Variants in ELMO1 observed in about 807,000 individuals in gnomAD.
ELMO1 encodes engulfment and cell motility protein 1.
ELMO1 carries 26 observed loss-of-function variants against 98.9 expected under a neutral mutation model. That is an observed-to-expected ratio of 0.26 (90% CI 0.19 to 0.36). The LOEUF (loss-of-function observed/expected upper bound fraction) is 0.36, where lower values mean the gene tolerates loss of function less well. Among genes scored for constraint, ELMO1 ranks in the 10% least tolerant of loss-of-function variants. The pLI, the probability that ELMO1 is intolerant of heterozygous loss-of-function variation, is 1.00. For synonymous variants in ELMO1, 346 were observed against 346.0 expected, an observed-to-expected ratio of 1.00 and a Z score of 0.00; for missense variants, 627 against 935.2, an observed-to-expected ratio of 0.67 and a Z score of 4.30.
At chr7:37,244,325 T>G in intron 7 of ELMO1, 31 bp downstream of exon 7, 1 of 1,609,378 alleles carries the variant, frequency 6.2e-7, no homozygotes, top group Non-Finnish European at 8.5e-7. Context: ...AAGGGTTAAA[T>G]CATCAATATC....
intron 1 of ELMO1, among the ~76,000 whole-genome samples, chr7:37,378,795 C>T (rs1299984592): frequency 1.1e-4 from 17 of 151,914 alleles, no homozygotes; most frequent in Admixed American, 1.0e-3. Flanking sequence ...CTAACAGATC[C>T]GACCTTGTGA....
intron 6 of ELMO1, among the ~76,000 whole-genome samples, chr7:37,255,728 T>G (rs1197564899): frequency 6.6e-6 from 1 of 152,224 alleles, no homozygotes; most frequent in Non-Finnish European, 1.5e-5. Flanking sequence ...ACCTAGGTAC[T>G]TGTGGCAGAA....
intron 20 of ELMO1, among the ~76,000 whole-genome samples, chr7:36,862,516 A>G (rs1323078157): frequency 6.6e-6 from 1 of 152,258 alleles, no homozygotes; most frequent in Non-Finnish European, 1.5e-5. Flanking sequence ...TGCCATGTCT[A>G]ATATGTACAT....
chr7:37,399,303 G>A (rs993272228), intron 1 of ELMO1, among the ~76,000 whole-genome samples: 1 of 152,186 alleles, frequency 6.6e-6, no homozygotes, highest in Non-Finnish European at 1.5e-5. Context: ...GTGGGTTCCT[G>A]GGCAATTTTG....
chr7:37,073,779 G>A lies in ELMO1; in HGVS notation c.1300+22840C>T, dbSNP rs553656395. On this transcript the variant is annotated intron_variant, in intron 15 of 21. Coordinates refer to ENST00000310758, the MANE Select transcript of ELMO1 (RefSeq NM_014800.11). ...TTTATTTTATTTTTTGTAGAGACAGGGTTTTGCTGTGTTGCCCAGACTTGT... is the reference window on the plus strand; with the variant it reads ...TTTATTTTATTTTTTGTAGAGACAGAGTTTTGCTGTGTTGCCCAGACTTGT... Among the ~76,000 whole-genome samples the A allele has an allele frequency of 6.2e-4, 94 of 151,832 alleles. 1 individual carries two copies. The highest frequency in any genetic ancestry group is 2.1e-3 in the African/African-American group (88 of 41,460).
intron 1 of ELMO1, among the ~76,000 whole-genome samples, chr7:37,441,449 A>G (rs1038609187): frequency 2.6e-5 from 4 of 152,232 alleles, no homozygotes; most frequent in African/African-American, 7.2e-5. Flanking sequence ...CTGACCTGCT[A>G]CAATGTCCTG....
At chr7:37,202,447 C>G (rs1364984619) in intron 13 of ELMO1, among the ~76,000 whole-genome samples, 1 of 152,180 alleles carries the variant, frequency 6.6e-6, no homozygotes, top group Non-Finnish European at 1.5e-5. Flanking sequence ...GTGATGAAAG[C>G]CTATGATAAA....
At position 36,853,626 on chromosome 7, in the gene ELMO1, CT is replaced by C. The variant is rs1415241978; in HGVS notation, c.*1924del. Among the ~76,000 whole-genome samples, 1 of 152,182 alleles carries C rather than the reference CT, an allele frequency of 6.6e-6. No individual in the cohort carries two copies. Among genetic ancestry groups the C allele is most frequent in the African/African-American group, 2.4e-5 (1 of 41,440 alleles). On this transcript the variant is annotated 3_prime_UTR_variant, in exon 22 of 22. Coordinates refer to ENST00000310758, the MANE Select transcript of ELMO1 (RefSeq NM_014800.11). ...AAGGAACCCCTGTGAATGCAAAGGA[CT>C]TTTTTCCTGCAATGCATGCAGTGCT...
chr7:37,240,246 C>T (rs1794692024), intron 7 of ELMO1, among the ~76,000 whole-genome samples: 1 of 151,858 alleles, frequency 6.6e-6, no homozygotes, highest in South Asian at 2.1e-4. Flanking sequence ...GCCATGTTAC[C>T]CAGGCTGGTC....
At chr7:37,334,350 G>A (rs1277874472) in intron 2 of ELMO1, among the ~76,000 whole-genome samples, 1 of 152,182 alleles carries the variant, frequency 6.6e-6, no homozygotes, top group African/African-American at 2.4e-5. Flanking sequence ...GGAAGCTGAG[G>A]CAGGAGAATC....
chr7:37,121,732 C>T (rs1443645004), intron 14 of ELMO1, among the ~76,000 whole-genome samples: 9 of 152,120 alleles, frequency 5.9e-5, no homozygotes, highest in African/African-American at 1.9e-4. Flanking sequence ...ATTTCCCCAA[C>T]CTAGCAAGGC....
chr7:37,387,928 C>T (rs1366550677), intron 1 of ELMO1, among the ~76,000 whole-genome samples: 2 of 152,132 alleles, frequency 1.3e-5, no homozygotes, highest in Non-Finnish European at 2.9e-5. Context: ...ACCCCCTGGG[C>T]TCAATAGTTC....
chr7:37,125,600 C>T (rs1786450948), intron 14 of ELMO1, among the ~76,000 whole-genome samples: 1 of 152,158 alleles, frequency 6.6e-6, no homozygotes, highest in South Asian at 2.1e-4. Flanking sequence ...CAAAGAGATA[C>T]CATCTCACAC....
At chr7:36,877,065 A>C (rs1046022025) in intron 19 of ELMO1, among the ~76,000 whole-genome samples, 1 of 152,168 alleles carries the variant, frequency 6.6e-6, no homozygotes, top group Non-Finnish European at 1.5e-5. Context: ...TTTCACCTTC[A>C]ATGGCCGTGA....
At chr7:37,223,181 C>G (rs904972108) in intron 9 of ELMO1, among the ~76,000 whole-genome samples, 2 of 152,018 alleles carry the variant, frequency 1.3e-5, no homozygotes, top group African/African-American at 4.8e-5. Context: ...ATTTCAATAA[C>G]AAAAAGAACA....
rs938748820 is a variant in ELMO1, at chr7:37,342,226, GA to G, written c.78+386del. ...GCATTTGGCTGCTTCTGCAAAAAAT[GA>G]AAAAAAAGGGATTTTAAAAATTAAG... is the stretch of plus-strand genomic sequence containing the variant. On this transcript the variant is annotated intron_variant, in intron 2 of 21. Coordinates refer to ENST00000310758, the MANE Select transcript of ELMO1 (RefSeq NM_014800.11). This position sits in a 1 kb window ranked among gnomAD's most constrained non-coding sequence, Gnocchi z 4.3. Among the ~76,000 whole-genome samples, 2 of 151,488 alleles carry G rather than the reference GA, an allele frequency of 1.3e-5. No individual in the cohort carries two copies. Among genetic ancestry groups the G allele is most frequent in the Non-Finnish European group, 1.5e-5 (1 of 67,858 alleles).
At chr7:37,033,565 C>G (rs1794998571) in intron 15 of ELMO1, among the ~76,000 whole-genome samples, 1 of 151,914 alleles carries the variant, frequency 6.6e-6, no homozygotes, top group South Asian at 2.1e-4. Flanking sequence ...AATGTCAAGG[C>G]CTGAATGTCC....
intron 15 of ELMO1, among the ~76,000 whole-genome samples, chr7:37,014,909 T>C (rs73342280): frequency 0.015 from 2,212 of 152,068 alleles, 54 homozygotes; most frequent in African/African-American, 0.051. Context: ...CGAATCTACT[T>C]AGAATCCTAT....
rs569121360 is a variant in ELMO1 at position 36,973,766 on chromosome 7, G to C, written c.1437+39533C>G. The stretch of plus-strand genomic sequence containing the variant: ...GGAGGGAGAGGCGCGAGCGGGAACC[G>C]GGGCTGCGCGCGGCGCTTGCGAGCC... On this transcript the variant is annotated intron_variant, in intron 16 of 21. Coordinates refer to ENST00000310758, the MANE Select transcript of ELMO1 (RefSeq NM_014800.11). Among the ~76,000 whole-genome samples the C allele has an allele frequency of 1.4e-4, 21 of 152,308 alleles. No individual in the cohort carries two copies. In the South Asian group the frequency reaches 3.3e-3, roughly 24 times the overall value.
Sources: gnomAD v4.1 joint callset for allele counts (sites outside exome capture counted in the v4.1 genomes callset) on GRCh38, gnomAD v4.1.1 for gene constraint, Gnocchi (gnomAD v3.1) non-coding constraint, MANE v1.5 for transcripts, NCBI Gene and HGNC (gene_info 2026-07-23, HGNC 2026-07-21) for gene names.